FBXO3: variants seen among roughly 807,000 people sequenced by gnomAD.
The protein encoded by FBXO3 is F-box only protein 3.
FBXO3 carries 17 observed loss-of-function variants against 64.8 expected under a neutral mutation model. The ratio of observed to expected loss-of-function variants is 0.26; its 90% CI spans 0.18 to 0.39. The LOEUF is 0.39. Ranked by LOEUF, FBXO3 falls within the 10% of genes least tolerant of loss-of-function variation. The pLI, the probability that FBXO3 is intolerant of heterozygous loss-of-function variation, is 1.00. For missense variants in FBXO3, 420 were observed against 589.9 expected (o/e 0.71, Z 2.98); for synonymous variants, 182 against 201.6 (o/e 0.90, Z 0.82).
At chr11:33,766,628 GACA>G (rs748199153) in intron 3 of FBXO3, among the ~76,000 whole-genome samples, 4 of 152,272 alleles carry the variant, frequency 2.6e-5, no homozygotes, top group Admixed American at 2.0e-4. Flanking sequence ...GAAAATATGT[GACA>G]ACAATATATC....
chr11:33,747,189 C>T lies in FBXO3; in HGVS notation c.1180G>A (p.Val394Ile). The T allele has an allele frequency of 2.5e-6, 4 of 1,610,670 alleles. No individual in the cohort carries two copies. Among genetic ancestry groups the T allele is most frequent in the Non-Finnish European group, 2.5e-6 (3 of 1,179,222 alleles). ...GCCATATGGAATCGGGGAATGGCAACATTAAAGATCTTGTCTTTAAAGTAA... is the reference window on the plus strand; with the variant it reads ...GCCATATGGAATCGGGGAATGGCAATATTAAAGATCTTGTCTTTAAAGTAA... Reference protein sequence around the residue: ...FLYFKDKIFNVAIPRFHMACP... With the variant: ...FLYFKDKIFNIAIPRFHMACP... Residue 394 changes from valine (V) to isoleucine (I), a missense_variant, in exon 10 of 11, where the codon GTT becomes ATT. By Grantham distance (29) the Val-to-Ile change is conservative (BLOSUM62 3). This residue lies in a region of FBXO3 where 337 missense variants were observed against 518.4 expected (regional missense o/e 0.65). Transcript: ENST00000265651.
At chr11:33,758,709 G>T in intron 3 of FBXO3, 108 bp from the exon 4 acceptor site, 1 of 646,934 alleles carries the variant, frequency 1.5e-6, no homozygotes, top group Non-Finnish European at 2.4e-6. Flanking sequence ...AGTGAATTCT[G>T]TCCAAAATAT....
chr11:33,754,430 G>GA (rs767533207), intron 6 of FBXO3, 25 bp downstream of exon 6: 4 of 1,557,798 alleles, frequency 2.6e-6, no homozygotes, highest in African/African-American at 1.4e-5. Flanking sequence ...GAAGAAGGGG[G>GA]AAAAAAGACT....
chr11:33,746,996 A>AC, intron 10 of FBXO3, 134 bp downstream of exon 10: 1 of 1,490,564 alleles, frequency 6.7e-7, no homozygotes, highest in Non-Finnish European at 8.8e-7. Flanking sequence ...AATTCACATG[A>AC]CCCCCAAGAT....
At chr11:33,754,774 G>A (rs1855050288) in intron 5 of FBXO3, among the ~76,000 whole-genome samples, 1 of 151,670 alleles carries the variant, frequency 6.6e-6, no homozygotes, top group Non-Finnish European at 1.5e-5. Flanking sequence ...GAGATAAAAA[G>A]TATGAAAATG....
intron 4 of FBXO3, among the ~76,000 whole-genome samples, chr11:33,757,656 T>TAAAAAAAAAAAAAAAAAAAAAAAA (rs1170445394): frequency 4.2e-5 from 1 of 23,980 alleles, no homozygotes; most frequent in African/African-American, 1.6e-4. Context: ...CACCATCTCT[T>TAAAAAAAAAAAAAAAAAAAAAAAA]AAAAAAAAAA....
chr11:33,741,974 TTCA>T lies in FBXO3; in HGVS notation c.1347_1349del (p.Asp449del). ...CAAAGACTCTCCTCCGTCTCTCCTC[TTCA>T]TCATCTTCATCTGATTCATCCATAT... is the stretch of plus-strand genomic sequence containing the variant. On this transcript the variant is annotated inframe_deletion, in exon 11 of 11. Coordinates refer to ENST00000265651, the MANE Select transcript of FBXO3 (RefSeq NM_012175.4). 1 of 1,613,850 alleles carries T rather than the reference TTCA, an allele frequency of 6.2e-7. No homozygotes were observed. The highest frequency in any genetic ancestry group is 1.1e-5 in the South Asian group (1 of 91,078).
At chr11:33,752,414 A>C (rs1311387353) in intron 6 of FBXO3, among the ~76,000 whole-genome samples, 1 of 152,164 alleles carries the variant, frequency 6.6e-6, no homozygotes, top group Non-Finnish European at 1.5e-5. Flanking sequence ...TTCAACAATG[A>C]ATTTCTTTGT....
intron 2 of FBXO3, among the ~76,000 whole-genome samples, chr11:33,770,504 G>C (rs887016797): frequency 5.3e-5 from 8 of 152,234 alleles, no homozygotes; most frequent in African/African-American, 1.9e-4. Context: ...TTGGGAGTTA[G>C]GAGCATGCAG....
At chr11:33,768,695 G>T (rs1247066686) in intron 3 of FBXO3, 156 bp downstream of exon 3, 2 of 801,360 alleles carry the variant, frequency 2.5e-6, no homozygotes, top group Non-Finnish European at 4.3e-6. Context: ...GCACTAGAGT[G>T]AAGGTCCTAC....
chr11:33,761,905 T>C (rs1433271032), intron 3 of FBXO3, among the ~76,000 whole-genome samples: 3 of 152,282 alleles, frequency 2.0e-5, no homozygotes, highest in South Asian at 2.1e-4. Context: ...GAGAGGCACA[T>C]TGAATCTGAC....
At chr11:33,754,274 A>C in intron 6 of FBXO3, 181 bp downstream of exon 6, 1 of 505,590 alleles carries the variant, frequency 2.0e-6, no homozygotes, top group Non-Finnish European at 3.5e-6. Context: ...AAAAATATTC[A>C]ATACAAAAAC....
At chr11:33,744,356 G>C (rs1314739554) in intron 10 of FBXO3, 1 of 152,008 alleles carries the variant, frequency 6.6e-6, no homozygotes, top group Non-Finnish European at 1.5e-5. Context: ...ACACAGAGAG[G>C]AGTGGAAATG....
Position 33,748,801 on chromosome 11 carries a change from C to A in FBXO3, c.1024G>T (p.Glu342Ter), listed in dbSNP as rs781166137. Residue 342 changes from glutamate (E) to a stop codon, truncating the protein, a stop_gained, in exon 9 of 11, where the codon GAA (glutamate) becomes TAA (stop). Transcript: ENST00000265651. LOFTEE classifies it high-confidence loss of function. ...CCAACTACTCCAGGTCCTTGAACTTCTTCCACGTCACCCTTAGCATTTGTT... is the reference window on the plus strand; with the variant it reads ...CCAACTACTCCAGGTCCTTGAACTTATTCCACGTCACCCTTAGCATTTGTT... ...RITNAKGDVEEVQGPGVVGEF... is the reference protein window; with the variant it reads ...RITNAKGDVE 1 of 1,613,470 alleles carries A rather than the reference C, an allele frequency of 6.2e-7. No homozygotes were observed. Among genetic ancestry groups the A allele is most frequent in the Non-Finnish European group, 8.5e-7 (1 of 1,179,670 alleles).
rs1423475865 is a variant in FBXO3, at chr11:33,766,134, T to G, written c.358+2717A>C. On this transcript the variant is annotated intron_variant, in intron 3 of 10. Coordinates refer to ENST00000265651, the MANE Select transcript of FBXO3 (RefSeq NM_012175.4). ...AGAATTACAGTGAGGATTAATAAAG[T>G]GCTTTACTCATACTCAGTAAATATT... 2.6e-5 allele frequency among the ~76,000 whole-genome samples: 4 copies of G among 152,224 alleles called. 1 individual carries two copies. The East Asian group carries it at 7.7e-4, about 29-fold the overall frequency.
In FBXO3 at chr11:33,747,208, A is replaced by G. The variant is rs1193758264; in HGVS notation, c.1161T>C (p.Phe387=). Residue 387 remains phenylalanine (F), a synonymous_variant, in exon 10 of 11, where the codon TTT becomes TTC. Coordinates refer to ENST00000265651, the MANE Select transcript of FBXO3 (RefSeq NM_012175.4). ...TGGCAACATTAAAGATCTTGTCTTT[A>G]AAGTAAAGAAAATGGAAGGTATAAT... The part of the protein sequence containing the change: ...EGYYTFHFLY[F]KDKIFNVAIP... 6.2e-7 allele frequency: 1 copy of G among 1,611,998 alleles called. No individual in the cohort carries two copies. Among genetic ancestry groups the G allele is most frequent in the South Asian group, 1.1e-5 (1 of 90,802 alleles).
rs55636309 is a variant in FBXO3, at chr11:33,758,926, T to TAA, written c.359-327_359-326dup. Reference sequence around the variant, plus strand: ...AATATTCATACTGCTTTATTTAAAATAAAAAAAAAAACAGCAAAACCCCTG... The same window carrying TAA: ...AATATTCATACTGCTTTATTTAAAATAAAAAAAAAAAAACAGCAAAACCCCTG... On this transcript the variant is annotated intron_variant, in intron 3 of 10. Transcript: ENST00000265651. Among the ~76,000 whole-genome samples, 37 of 148,180 alleles carry TAA rather than the reference T, an allele frequency of 2.5e-4. No individual in the cohort carries two copies. In the East Asian group the frequency reaches 4.5e-3, roughly 18 times the overall value.
chr11:33,769,363 G>A (rs951426628), intron 2 of FBXO3, among the ~76,000 whole-genome samples: 1 of 151,850 alleles, frequency 6.6e-6, no homozygotes, highest in Non-Finnish European at 1.5e-5. Flanking sequence ...TATTGTTTTA[G>A]AGAATACTTA....
chr11:33,757,588 G>A lies in FBXO3; in HGVS notation c.473+899C>T, dbSNP rs983545498. On this transcript the variant is annotated intron_variant, in intron 4 of 10. Transcript: ENST00000265651. Reference sequence around the variant, plus strand: ...AGCCCCAGCTACTTGGGAGGCAGACGCAGGAGGACTGCTTGAGCCCAGGAG... The same window carrying A: ...AGCCCCAGCTACTTGGGAGGCAGACACAGGAGGACTGCTTGAGCCCAGGAG... 4.4e-5 allele frequency among the ~76,000 whole-genome samples: 6 copies of A among 134,834 alleles called. No homozygotes were observed. In the South Asian group the frequency reaches 7.2e-4, roughly 16 times the overall value. The allele number at this position is 134,834 out of a possible 152,430, so 88.5% of individuals were successfully genotyped here. A position where few individuals can be genotyped will look rare whatever the true frequency, so the allele number is the denominator to read the frequency against.
Sources: gnomAD v4.1 joint callset for allele counts (sites outside exome capture counted in the v4.1 genomes callset) on GRCh38, gnomAD v4.1.1 for gene constraint, gnomAD v4.1.1 regional missense constraint, MANE v1.5 for transcripts, NCBI Gene and HGNC (gene_info 2026-07-23, HGNC 2026-07-21) for gene names.